Variants in SLC41A3 observed in about 807,000 individuals in gnomAD.
SLC41A3 encodes SLC41A1-like 2.
In SLC41A3, 44 loss-of-function variants were observed where a neutral mutation model predicts 45.4. That is an observed-to-expected ratio of 0.97 (90% CI 0.76 to 1.25). The LOEUF (loss-of-function observed/expected upper bound fraction) is 1.25. Ranked by LOEUF, SLC41A3 falls within the 50% of genes most tolerant of loss-of-function variation. The pLI, the probability that SLC41A3 is intolerant of heterozygous loss-of-function variation, is 0.00. For synonymous variants in SLC41A3, 256 were observed against 252.4 expected (o/e 1.01, Z -0.13); for missense variants, 550 against 600.6 (o/e 0.92, Z 0.88).
intron 1 of SLC41A3, among the ~76,000 whole-genome samples, chr3:126,100,929 A>G (rs1436709680): frequency 6.6e-6 from 1 of 152,210 alleles, no homozygotes; most frequent in African/African-American, 2.4e-5. Flanking sequence ...AACCACCTTA[A>G]ATGCTTCTGT....
At chr3:126,054,932 A>G (rs1386192810) in intron 2 of SLC41A3, among the ~76,000 whole-genome samples, 1 of 152,074 alleles carries the variant, frequency 6.6e-6, no homozygotes, top group Non-Finnish European at 1.5e-5. Flanking sequence ...CAGGCTTTCT[A>G]ATGGGGGGCT....
intron 4 of SLC41A3, among the ~76,000 whole-genome samples, chr3:126,029,668 A>T (rs55763435): frequency 2.6e-5 from 4 of 152,360 alleles, no homozygotes; most frequent in Non-Finnish European, 4.4e-5. Context: ...TCCCAACAAG[A>T]TCTTTCACGG....
intron 1 of SLC41A3, among the ~76,000 whole-genome samples, chr3:126,074,275 G>A (rs1944770016): frequency 1.3e-5 from 2 of 151,686 alleles, no homozygotes; most frequent in African/African-American, 4.8e-5. Context: ...AATGATAAGA[G>A]GAATAGAAGG....
At chr3:126,092,031 A>G (rs1945496750) in intron 1 of SLC41A3, among the ~76,000 whole-genome samples, 1 of 152,162 alleles carries the variant, frequency 6.6e-6, no homozygotes, top group Admixed American at 6.5e-5. Context: ...GGAGGGATCC[A>G]TTTGTTACCC....
chr3:126,085,675 G>A (rs374143387), upstream of SLC41A3, among the ~76,000 whole-genome samples: 19 of 152,164 alleles, frequency 1.2e-4, no homozygotes, highest in Non-Finnish European at 2.1e-4. Context: ...ATCTTGATTC[G>A]GCTTGTCTGC....
chr3:126,096,330 C>G (rs542231838), intron 1 of SLC41A3, among the ~76,000 whole-genome samples: 1 of 152,290 alleles, frequency 6.6e-6, no homozygotes, highest in East Asian at 1.9e-4. Context: ...GACAAAGGTG[C>G]CTTTGCTTTT....
chr3:126,020,754 A>C (rs1940778381), intron 6 of SLC41A3, among the ~76,000 whole-genome samples: 1 of 152,184 alleles, frequency 6.6e-6, no homozygotes, highest in Admixed American at 6.5e-5. Flanking sequence ...CTGCTACCTG[A>C]AGGCTTCCTC....
chr3:126,027,190 G>A (rs1941428448), intron 4 of SLC41A3, among the ~76,000 whole-genome samples: 1 of 152,144 alleles, frequency 6.6e-6, no homozygotes, highest in South Asian at 2.1e-4. Flanking sequence ...TGTTGGAGAT[G>A]GGGCCTGGTG....
chr3:126,016,637 T>C (rs1580402650), intron 7 of SLC41A3, 94 bp downstream of exon 7: 1 of 1,475,096 alleles, frequency 6.8e-7, no homozygotes, highest in East Asian at 2.4e-5. Flanking sequence ...TTTCACTCCA[T>C]TCCTGTCCCC....
chr3:126,092,424 CAATGCT>C (rs2108132397), intron 1 of SLC41A3: 1 of 152,358 alleles, frequency 6.6e-6, no homozygotes, highest in African/African-American at 2.4e-5. Flanking sequence ...TCTATAGAAA[CAATGCT>C]AATGACTGGC....
chr3:126,041,522 A>C (rs1942593478), intron 3 of SLC41A3, among the ~76,000 whole-genome samples: 2 of 152,232 alleles, frequency 1.3e-5, no homozygotes, highest in African/African-American at 4.8e-5. Flanking sequence ...TTCCATCAGC[A>C]ACACTGGGCA....
Position 126,006,623 on chromosome 3 carries a change from G to T in SLC41A3, c.*393C>A, listed in dbSNP as rs995260719. ...AGTTCTGAGGCTTGGGAACAGAAAA[G>T]AGCTCCTTCCTGCTCCACCCCAATC... On this transcript the variant is annotated 3_prime_UTR_variant, in exon 11 of 11. Transcript: ENST00000360370. 63 of 1,553,710 alleles carry T rather than the reference G, an allele frequency of 4.1e-5. No homozygotes were observed. Among genetic ancestry groups the T allele is most frequent in the Non-Finnish European group, 5.4e-5 (63 of 1,157,342 alleles).
chr3:126,099,665 A>C (rs1252413611), intron 1 of SLC41A3, among the ~76,000 whole-genome samples: 1 of 152,096 alleles, frequency 6.6e-6, no homozygotes, highest in Non-Finnish European at 1.5e-5. Context: ...GCGCCACTAC[A>C]CTCCATGAGT....
intron 1 of SLC41A3, among the ~76,000 whole-genome samples, chr3:126,068,675 G>A (rs1944472406): frequency 6.6e-6 from 1 of 152,204 alleles, no homozygotes; most frequent in Non-Finnish European, 1.5e-5. Context: ...TCAAGATGCT[G>A]GTGACATTCT....
At chr3:126,010,311 A>G (rs1029872841) in intron 9 of SLC41A3, among the ~76,000 whole-genome samples, 3 of 152,216 alleles carry the variant, frequency 2.0e-5, no homozygotes, top group Admixed American at 2.0e-4. Context: ...TGTCTCTACT[A>G]AAAATACAAA....
Position 126,027,340 on chromosome 3 carries a change from G to A in SLC41A3, c.454-861C>T, listed in dbSNP as rs115142580. On this transcript the variant is annotated intron_variant, in intron 4 of 10. Transcript: ENST00000360370. ...GTTATTTAAAAGTGTGTGGCACCTC[G>A]TTCCTCTCTCTTGCTCCTTCTTTGG... is the stretch of plus-strand genomic sequence containing the variant. Among the ~76,000 whole-genome samples, 724 of 149,266 alleles carry A rather than the reference G, an allele frequency of 4.9e-3. 5 individuals carry two copies. The highest frequency in any genetic ancestry group is 0.017 in the African/African-American group (692 of 40,304).
intron 2 of SLC41A3, among the ~76,000 whole-genome samples, chr3:126,052,236 C>T (rs1042834478): frequency 6.6e-6 from 1 of 152,170 alleles, no homozygotes; most frequent in African/African-American, 2.4e-5. Flanking sequence ...TGGCATCTGG[C>T]CACAGCTCTG....
chr3:126,059,610 G>C (rs1943949301), intron 2 of SLC41A3, among the ~76,000 whole-genome samples: 1 of 152,178 alleles, frequency 6.6e-6, no homozygotes, highest in South Asian at 2.1e-4. Flanking sequence ...GCAAGTTAGT[G>C]TCAAAGGCAG....
intron 6 of SLC41A3, among the ~76,000 whole-genome samples, chr3:126,019,832 G>C (rs376047469): frequency 6.6e-6 from 1 of 151,776 alleles, no homozygotes; most frequent in African/African-American, 2.4e-5. Flanking sequence ...GGCTGAAATC[G>C]CACACTAACA....
Sources: allele counts gnomAD v4.1 joint callset (sites outside exome capture counted in the v4.1 genomes callset), GRCh38; gene constraint gnomAD v4.1.1; transcripts MANE v1.5; gene names NCBI Gene and HGNC (gene_info 2026-07-23, HGNC 2026-07-21).